The following CEP63 variants were observed in gnomAD, a reference collection of about 807,000 sequenced individuals.
CEP63 encodes centrosomal protein of 63 kDa.
A neutral mutation model predicts 89.1 loss-of-function variants in CEP63; 84 were observed. The ratio of observed to expected loss-of-function variants is 0.94; its 90% CI spans 0.79 to 1.13. The LOEUF (loss-of-function observed/expected upper bound fraction) is 1.13, where lower values mean the gene tolerates loss of function less well. Ranked by LOEUF, CEP63 falls within the 50% of genes most tolerant of loss-of-function variation. CEP63 has a pLI of 0.00. For missense variants in CEP63, 838 were observed against 813.3 expected, an observed-to-expected ratio of 1.03 and a Z score of -0.37; for synonymous variants, 267 against 272.5, an observed-to-expected ratio of 0.98 and a Z score of 0.20.
chr3:134,517,812 G>A (rs1178524404), intron 3 of CEP63, among the ~76,000 whole-genome samples: 1 of 152,116 alleles, frequency 6.6e-6, no homozygotes, highest in African/African-American at 2.4e-5. Context: ...ATCTCAGAGG[G>A]ACATTTATAG....
intron 4 of CEP63, among the ~76,000 whole-genome samples, 167 bp downstream of exon 4, chr3:134,532,107 G>T (rs1430116172): frequency 6.6e-6 from 1 of 152,306 alleles, no homozygotes; most frequent in Non-Finnish European, 1.5e-5. Flanking sequence ...CAGGTAAAGA[G>T]GTTTGCCTAA....
At position 134,551,995 on chromosome 3, in the gene CEP63, G is replaced by GAATTGATGA. The variant is rs752128612; in HGVS notation, c.1455_1456insATGAAATTG (p.Leu485_Gly486insMetLysLeu). On this transcript the variant is annotated inframe_insertion, in exon 12 of 15. Transcript: ENST00000675561. ...TCTTTCTGAAATGGTGATGAAATTG[G>GAATTGATGA]AATTGGGTTTACATGAGGTACATAA... 144 of 1,600,334 alleles carry GAATTGATGA rather than the reference G, an allele frequency of 9.0e-5. No individual in the cohort carries two copies. The highest frequency in any genetic ancestry group is 1.2e-4 in the Non-Finnish European group (141 of 1,170,052).
chr3:134,717,043 G>A, the CEP63 span, among the ~76,000 whole-genome samples: 2 of 152,160 alleles, frequency 1.3e-5, no homozygotes, highest in Admixed American at 6.5e-5. Context: ...TGGAAAAAAG[G>A]CAGAGGCTTA....
chr3:134,532,313 TAAGAC>T (rs1950001325), intron 4 of CEP63, among the ~76,000 whole-genome samples: 4 of 152,298 alleles, frequency 2.6e-5, no homozygotes, highest in African/African-American at 7.2e-5. Flanking sequence ...TTGGGATAAA[TAAGAC>T]AAGTAAGAAA....
intron 10 of CEP63, among the ~76,000 whole-genome samples, chr3:134,580,373 G>C (rs980855521): frequency 7.4e-6 from 1 of 134,440 alleles, no homozygotes; most frequent in African/African-American, 2.9e-5. Flanking sequence ...GGTGATGGCT[G>C]TACAACTCTA....
the CEP63 span, among the ~76,000 whole-genome samples, chr3:134,644,041 G>A: frequency 1.3e-5 from 2 of 152,090 alleles, no homozygotes; most frequent in African/African-American, 2.4e-5. Context: ...TAGCCAGGAT[G>A]GTCTCGATCT....
the CEP63 span, chr3:134,641,313 G>A: frequency 6.6e-6 from 1 of 152,220 alleles, no homozygotes; most frequent in Non-Finnish European, 1.5e-5. Context: ...AGAGGACTAT[G>A]TGGATGTGAT....
At chr3:134,666,279 A>G in the CEP63 span, among the ~76,000 whole-genome samples, 8 of 152,204 alleles carry the variant, frequency 5.3e-5, no homozygotes, top group Non-Finnish European at 8.8e-5. Context: ...AGACCTTAGT[A>G]GTCAGCAGAC....
At chr3:134,585,575 G>A (rs577046814) in intron 10 of CEP63, among the ~76,000 whole-genome samples, 1 of 152,150 alleles carries the variant, frequency 6.6e-6, no homozygotes, top group African/African-American at 2.4e-5. Context: ...TGTGATTTCT[G>A]TTCTCTTACA....
the CEP63 span, among the ~76,000 whole-genome samples, chr3:134,774,815 A>G: frequency 6.6e-6 from 1 of 152,114 alleles, no homozygotes. Flanking sequence ...CCCTGCCCAT[A>G]TTACCTCCCC....
At chr3:134,643,325 T>C in the CEP63 span, 7 of 1,613,746 alleles carry the variant, frequency 4.3e-6, no homozygotes. Context: ...CCTTGGCTGT[T>C]GTAGGAAGTG....
the CEP63 span, among the ~76,000 whole-genome samples, chr3:134,622,170 A>G: frequency 7.9e-5 from 12 of 152,230 alleles, no homozygotes; most frequent in Non-Finnish European, 1.8e-4. Context: ...TCAGAAAGTT[A>G]AATGTAGAAT....
chr3:134,772,372 A>T, the CEP63 span, among the ~76,000 whole-genome samples: 1 of 152,262 alleles, frequency 6.6e-6, no homozygotes, highest in Non-Finnish European at 1.5e-5. Context: ...GCCGGCCATA[A>T]TGGGAGACTA....
intron 12 of CEP63, among the ~76,000 whole-genome samples, chr3:134,557,730 A>G (rs1325169651): frequency 2.0e-5 from 3 of 152,176 alleles, no homozygotes; most frequent in Admixed American, 1.3e-4. Flanking sequence ...TTTTTCTCAC[A>G]ACTTTTTGTT....
rs1229398875 is a variant in CEP63, at chr3:134,507,285, A to T, written c.221A>T (p.Glu74Val). 6.2e-7 allele frequency: 1 copy of T among 1,605,966 alleles called. No homozygotes were observed. The highest frequency in any genetic ancestry group is 1.1e-5 in the South Asian group (1 of 90,414). The change falls in exon 3 of 15, where the codon GAG (glutamate) becomes GTG (valine). Residue 74 changes from glutamate (E) to valine (V), a missense_variant and splice_region_variant. Transcript: ENST00000675561. ...AGTCAGTTGGATGTGACACATAAGG[A>T]GGTAAAGCAATTTATTTGTTCTTCT... The part of the protein sequence containing the change: ...LRSQLDVTHK[E>V]VGMLHQQVEE...
chr3:134,771,734 A>C, the CEP63 span, among the ~76,000 whole-genome samples: 1 of 152,220 alleles, frequency 6.6e-6, no homozygotes, highest in Non-Finnish European at 1.5e-5. Context: ...GTGTATACCT[A>C]TGTAACAAAC....
At chr3:134,732,793 G>A in the CEP63 span, among the ~76,000 whole-genome samples, 4 of 152,074 alleles carry the variant, frequency 2.6e-5, no homozygotes, top group Non-Finnish European at 4.4e-5. Flanking sequence ...ATAATTGAAA[G>A]GGCCCATCAT....
chr3:134,586,885 T>G (rs2107676342), intron 10 of CEP63, among the ~76,000 whole-genome samples: 1 of 152,302 alleles, frequency 6.6e-6, no homozygotes, highest in South Asian at 2.1e-4. Context: ...AGGCTTTGTT[T>G]GTTTCTTTTT....
At chr3:134,576,428 C>A (rs1023615535), downstream of CEP63, among the ~76,000 whole-genome samples, 5 of 152,222 alleles carry the variant, frequency 3.3e-5, no homozygotes, top group Non-Finnish European at 7.3e-5. Flanking sequence ...GCTCCAAGAA[C>A]CTCTGACAAG....
Sources: allele counts gnomAD v4.1 joint callset (sites outside exome capture counted in the v4.1 genomes callset), GRCh38; gene constraint gnomAD v4.1.1; transcripts MANE v1.5; gene names NCBI Gene and HGNC (gene_info 2026-07-23, HGNC 2026-07-21).